NCOA6: variants seen among roughly 807,000 people sequenced by gnomAD.
NCOA6 encodes the protein NRC RAP250.
NCOA6 carries 49 observed loss-of-function variants against 171.4 expected under a neutral mutation model. The ratio of observed to expected loss-of-function variants is 0.29; its 90% confidence interval spans 0.23 to 0.36. NCOA6 has a LOEUF of 0.36. NCOA6 is among the 10% of genes least tolerant of loss of function. The pLI is 1.00. For synonymous variants in NCOA6, 910 were observed against 927.5 expected (o/e 0.98, Z 0.34); for missense variants, 2,248 against 2,554.5 (o/e 0.88, Z 2.59).
At chr20:34,736,936 A>AT (rs2075976499) in intron 11 of NCOA6, among the ~76,000 whole-genome samples, 178 bp from the exon 12 acceptor site, 1 of 152,208 alleles carries the variant, frequency 6.6e-6, no homozygotes, top group Admixed American at 6.5e-5. Flanking sequence ...ATTAATTACC[A>AT]TAACACCCAG....
At chr20:34,815,614 A>G (rs937128341) in intron 1 of NCOA6, among the ~76,000 whole-genome samples, 1 of 152,184 alleles carries the variant, frequency 6.6e-6, no homozygotes, top group Non-Finnish European at 1.5e-5. Flanking sequence ...AAATCAAATG[A>G]AGTGTGACAT....
chr20:34,767,484 T>C (rs1227074766), intron 5 of NCOA6, among the ~76,000 whole-genome samples: 1 of 152,028 alleles, frequency 6.6e-6, no homozygotes, highest in Non-Finnish European at 1.5e-5. Context: ...TTAGTAGAGA[T>C]GGGGTTTCAC....
intron 14 of NCOA6, among the ~76,000 whole-genome samples, chr20:34,716,170 T>G (rs6060009): frequency 0.84 from 126,024 of 149,378 alleles, 53,292 homozygotes; most frequent in Admixed American, 0.91. Context: ...AGTAAGCCGA[T>G]ATCCCACCAC....
intron 1 of NCOA6, among the ~76,000 whole-genome samples, chr20:34,822,712 G>A (rs1020138304): frequency 6.6e-6 from 1 of 152,156 alleles, no homozygotes; most frequent in East Asian, 1.9e-4. Context: ...CACAGTAAAC[G>A]TTTGCTGAAT....
At chr20:34,757,114 T>C (rs967501207) in intron 7 of NCOA6, 106 bp downstream of exon 7, 76 of 1,234,914 alleles carry the variant, frequency 6.2e-5, no homozygotes, top group Non-Finnish European at 7.7e-5. Flanking sequence ...CAAAACCAAA[T>C]AATTATATCC....
chr20:34,763,122 T>C lies in NCOA6; in HGVS notation c.515-4189A>G, dbSNP rs1408215714. On this transcript the variant is annotated intron_variant, in intron 5 of 14. Transcript: ENST00000359003. ...TTTATTTTGTAGTGCTCAGGAATAC[T>C]GGGCTTCTGAATCTGAGGACTTACG... is the stretch of plus-strand genomic sequence containing the variant. Among the ~76,000 whole-genome samples the C allele has an allele frequency of 9.8e-5, 15 of 152,348 alleles. 1 individual carries two copies. The South Asian group carries it at 2.9e-3, about 29-fold the overall frequency.
chr20:34,824,763 G>A (rs2079101357), intron 1 of NCOA6, among the ~76,000 whole-genome samples: 1 of 152,138 alleles, frequency 6.6e-6, no homozygotes, highest in Non-Finnish European at 1.5e-5. Flanking sequence ...GGTGGAGGAT[G>A]CTTGGGACAT....
rs572373019 is a variant in NCOA6, at chr20:34,738,642, G to A, written c.5893+1721C>T. On this transcript the variant is annotated intron_variant, in intron 11 of 14. Transcript: ENST00000359003. ...TCTCTAACACTGAGGTGAAGAGGCAGAGAGAAGGGGAATTAACCTTTCCAG... is the reference window on the plus strand; with the variant it reads ...TCTCTAACACTGAGGTGAAGAGGCAAAGAGAAGGGGAATTAACCTTTCCAG... Among the ~76,000 whole-genome samples the A allele has an allele frequency of 5.3e-5, 8 of 152,378 alleles. No homozygotes were observed. The East Asian group carries it at 1.5e-3, about 29-fold the overall frequency.
chr20:34,755,431 A>G (rs2076613848), intron 7 of NCOA6, among the ~76,000 whole-genome samples: 1 of 152,192 alleles, frequency 6.6e-6, no homozygotes, highest in South Asian at 2.1e-4. Flanking sequence ...GAAACAGTTC[A>G]TGGGAGCTTC....
intron 1 of NCOA6, among the ~76,000 whole-genome samples, chr20:34,796,650 T>TA (rs1183491431): frequency 2.0e-5 from 3 of 151,658 alleles, no homozygotes; most frequent in Non-Finnish European, 2.9e-5. Flanking sequence ...TTGTTTCAAC[T>TA]AAAAAAAATA....
rs531878242 is a variant in NCOA6 at position 34,815,510 on chromosome 20, T to C, written c.-164+9962A>G. Among the ~76,000 whole-genome samples, 43 of 151,912 alleles carry C rather than the reference T, an allele frequency of 2.8e-4. No individual in the cohort carries two copies. In the South Asian group the frequency reaches 5.0e-3, roughly 18 times the overall value. On this transcript the variant is annotated intron_variant, in intron 1 of 14. Coordinates refer to ENST00000359003, the MANE Select transcript of NCOA6 (RefSeq NM_014071.5). ...CAGTTTTCCTCAATTCTTTCCAATATTTTTTTAAATTATGGAAAAACTGAA... is the reference window on the plus strand; with the variant it reads ...CAGTTTTCCTCAATTCTTTCCAATACTTTTTTAAATTATGGAAAAACTGAA...
Position 34,741,655 on chromosome 20 carries a change from A to G in NCOA6, c.4601T>C (p.Leu1534Pro), listed in dbSNP as rs760315310. 6.2e-7 allele frequency: 1 copy of G among 1,614,234 alleles called. No individual in the cohort carries two copies. The highest frequency in any genetic ancestry group is 1.3e-5 in the African/African-American group (1 of 75,068). The change falls in exon 11 of 15, where the codon CTG becomes CCG. Residue 1534 changes from leucine (L) to proline (P), a missense_variant. By Grantham distance (98) the Leu-to-Pro change is moderately conservative. This residue lies in a region of NCOA6 where 884 missense variants were observed against 941.9 expected (regional missense o/e 0.94). Coordinates refer to ENST00000359003, the MANE Select transcript of NCOA6 (RefSeq NM_014071.5). ...DLKKASVIPTLQDLSSSKEPS... is the reference protein window; with the variant it reads ...DLKKASVIPTPQDLSSSKEPS... ...TTCTTTAGAAGAAGACAGATCCTGC[A>G]GTGTGGGAATGACAGATGCTTTTTT...
intron 12 of NCOA6, among the ~76,000 whole-genome samples, chr20:34,733,452 T>C (rs548921203): frequency 3.3e-5 from 5 of 152,316 alleles, no homozygotes; most frequent in South Asian, 4.1e-4. Context: ...GAGTGCCTGG[T>C]TCAAAATTTT....
chr20:34,805,675 CTCT>C (rs1386298162), intron 1 of NCOA6, among the ~76,000 whole-genome samples: 1 of 150,766 alleles, frequency 6.6e-6, no homozygotes, highest in East Asian at 1.9e-4. Context: ...TATGGTAGTT[CTCT>C]TCTTAGCTTT....
chr20:34,735,992 A>G (rs1001268388), intron 12 of NCOA6, among the ~76,000 whole-genome samples: 9 of 152,054 alleles, frequency 5.9e-5, no homozygotes, highest in Non-Finnish European at 5.9e-5. Flanking sequence ...AATCAGGCGA[A>G]ACTAAACTGT....
intron 13 of NCOA6, among the ~76,000 whole-genome samples, chr20:34,732,251 CA>C (rs2075808134): frequency 1.3e-5 from 2 of 151,974 alleles, no homozygotes; most frequent in African/African-American, 4.8e-5. Context: ...ATATTAATAT[CA>C]ATGGTAACAA....
rs1258693138 is a variant in NCOA6 at position 34,757,269 on chromosome 20, C to T, written c.1479G>A (p.Gln493=). The part of the protein sequence containing the change: ...GNVPPNFMVM[Q]QQPPNQGPQS... ...GTGGCCCCTGGTTTGGTGGTTGCTG[C>T]TGCATCACCATGAAGTTAGGTGGCA... Residue 493 remains glutamine (Q), a synonymous_variant, in exon 7 of 15, where the codon CAG becomes CAA. Coordinates refer to ENST00000359003, the MANE Select transcript of NCOA6 (RefSeq NM_014071.5). 1 of 1,610,606 alleles carries T rather than the reference C, an allele frequency of 6.2e-7. No individual in the cohort carries two copies. The highest frequency in any genetic ancestry group is 1.7e-5 in the Admixed American group (1 of 59,756).
At chr20:34,795,043 T>G (rs2078017963) in intron 1 of NCOA6, among the ~76,000 whole-genome samples, 1 of 152,182 alleles carries the variant, frequency 6.6e-6, no homozygotes, top group Non-Finnish European at 1.5e-5. Context: ...TTAGAAGGGT[T>G]CATCCTCGGT....
At chr20:34,796,532 GA>G (rs2078081255) in intron 1 of NCOA6, among the ~76,000 whole-genome samples, 1 of 152,110 alleles carries the variant, frequency 6.6e-6, no homozygotes, top group African/African-American at 2.4e-5. Context: ...TGAGGTGAGA[GA>G]ATCACTTGAG....
Sources: gnomAD v4.1 joint callset for allele counts (sites outside exome capture counted in the v4.1 genomes callset) on GRCh38, gnomAD v4.1.1 for gene constraint, gnomAD v4.1.1 regional missense constraint, MANE v1.5 for transcripts, NCBI Gene and HGNC (gene_info 2026-07-23, HGNC 2026-07-21) for gene names.